Variants in CTNNA2 observed in about 807,000 individuals in gnomAD.
The protein encoded by CTNNA2 is catenin alpha 2, also known as catenin alpha-2.
Under a neutral mutation model 101.0 loss-of-function variants are expected in CTNNA2, and 42 were observed. The observed-to-expected ratio is 0.42, with a 90% CI of 0.32 to 0.54. The LOEUF (loss-of-function observed/expected upper bound fraction) is 0.54. Ranked by LOEUF, CTNNA2 falls within the 20% of genes least tolerant of loss-of-function variation. The pLI, the probability that CTNNA2 is intolerant of heterozygous loss-of-function variation, is 0.14. For missense variants in CTNNA2, 871 were observed against 1,223.1 expected (o/e 0.71, Z 4.29); for synonymous variants, 450 against 456.4 (o/e 0.99, Z 0.18).
chr2:80,385,716 CTG>C (rs1306811408), intron 7 of CTNNA2, among the ~76,000 whole-genome samples: 2 of 152,108 alleles, frequency 1.3e-5, no homozygotes, highest in Non-Finnish European at 2.9e-5. Flanking sequence ...TCCTGTCTCT[CTG>C]TCTTTCTCCG....
chr2:80,589,711 A>T (rs1461639768), intron 15 of CTNNA2, among the ~76,000 whole-genome samples: 1 of 152,198 alleles, frequency 6.6e-6, no homozygotes, highest in Non-Finnish European at 1.5e-5. Context: ...TATTGTTGTT[A>T]TAATTATCTA....
intron 7 of CTNNA2, among the ~76,000 whole-genome samples, chr2:80,364,454 G>T (rs1667480007): frequency 6.6e-6 from 1 of 151,538 alleles, no homozygotes; most frequent in Non-Finnish European, 1.5e-5. Context: ...TAAACTCTTT[G>T]CCTTATTTTA....
chr2:80,212,647 A>G (rs1707975016), intron 7 of CTNNA2, among the ~76,000 whole-genome samples: 1 of 152,168 alleles, frequency 6.6e-6, no homozygotes, highest in Non-Finnish European at 1.5e-5. Context: ...TTTTTGCATC[A>G]ATGTTCATCA....
In CTNNA2 at chr2:80,302,970, A is replaced by T; in HGVS notation, c.1057-90241A>T. 1.2e-6 allele frequency: 2 copies of T among 1,611,574 alleles called. No individual in the cohort carries two copies. The highest frequency in any genetic ancestry group is 1.7e-6 in the Non-Finnish European group (2 of 1,179,642). On this transcript the variant is annotated intron_variant, in intron 7 of 18. Coordinates refer to ENST00000402739, the MANE Select transcript of CTNNA2 (RefSeq NM_001282597.3). This position sits in a 1 kb window ranked among gnomAD's most constrained non-coding sequence, Gnocchi z 6.4. Reference sequence around the variant, plus strand: ...AGGCGGTTGGAGTCCAGCTGCAGGGACTGCAGGTGCGGCACGGTCTCGAAC... The same window carrying T: ...AGGCGGTTGGAGTCCAGCTGCAGGGTCTGCAGGTGCGGCACGGTCTCGAAC...
At chr2:79,667,137 A>G (rs1327850078) in intron 2 of CTNNA2, among the ~76,000 whole-genome samples, 1 of 152,210 alleles carries the variant, frequency 6.6e-6, no homozygotes, top group Non-Finnish European at 1.5e-5. Flanking sequence ...GTAAAATTTA[A>G]TATCTGAAAT....
At chr2:79,812,184 A>T (rs548910521) in intron 3 of CTNNA2, among the ~76,000 whole-genome samples, 1 of 152,234 alleles carries the variant, frequency 6.6e-6, no homozygotes, top group Non-Finnish European at 1.5e-5. Context: ...GTTATCTTCA[A>T]ATAGTTGCAG....
chr2:79,992,318 G>T (rs1053436870), intron 7 of CTNNA2, among the ~76,000 whole-genome samples: 4 of 152,018 alleles, frequency 2.6e-5, no homozygotes, highest in African/African-American at 9.7e-5. Context: ...GAAAAGAAAT[G>T]ATTATATTTT....
intron 2 of CTNNA2, among the ~76,000 whole-genome samples, chr2:79,290,940 A>G (rs79230554): frequency 2.0e-5 from 3 of 152,198 alleles, no homozygotes; most frequent in Admixed American, 2.0e-4. Flanking sequence ...ACAGACAGCA[A>G]AACTAAAAGA....
chr2:80,158,169 T>A (rs2148939507), intron 7 of CTNNA2, among the ~76,000 whole-genome samples: 1 of 152,256 alleles, frequency 6.6e-6, no homozygotes, highest in Middle Eastern at 3.4e-3. Context: ...ACCAAAGAGA[T>A]CATCAGAGAG....
At chr2:79,396,555 C>T (rs975544869) in intron 4 of CTNNA2, among the ~76,000 whole-genome samples, 2 of 152,086 alleles carry the variant, frequency 1.3e-5, no homozygotes, top group African/African-American at 4.8e-5. Flanking sequence ...AGATTAGGTT[C>T]GACTGTCTTC....
At chr2:80,408,855 C>T (rs1217327930) in intron 8 of CTNNA2, among the ~76,000 whole-genome samples, 1 of 152,142 alleles carries the variant, frequency 6.6e-6, no homozygotes, top group Non-Finnish European at 1.5e-5. Context: ...AACCCGAACA[C>T]CTGACTCTGG....
At chr2:79,671,939 A>G (rs980136249) in intron 2 of CTNNA2, among the ~76,000 whole-genome samples, 3 of 152,254 alleles carry the variant, frequency 2.0e-5, no homozygotes, top group Admixed American at 6.5e-5. Flanking sequence ...CGGAACATAA[A>G]TAAGCATAAG....
At chr2:80,445,151 T>TTTTG (rs767408724) in intron 9 of CTNNA2, among the ~76,000 whole-genome samples, 7 of 152,058 alleles carry the variant, frequency 4.6e-5, no homozygotes, top group Non-Finnish European at 1.0e-4. Flanking sequence ...CTTTGTGTTT[T>TTTTG]TTTGTTTGTT....
At chr2:80,378,430 A>G (rs1045862374) in intron 7 of CTNNA2, among the ~76,000 whole-genome samples, 1 of 146,742 alleles carries the variant, frequency 6.8e-6, no homozygotes, top group Non-Finnish European at 1.5e-5. Flanking sequence ...ATAATGTCAC[A>G]TGAACTTGCA....
At chr2:79,567,042 TA>T in intron 1 of CTNNA2, among the ~76,000 whole-genome samples, 1 of 152,136 alleles carries the variant, frequency 6.6e-6, no homozygotes, top group Non-Finnish European at 1.5e-5. Flanking sequence ...AGAGAAAGCA[TA>T]ACACATTCAA....
intron 7 of CTNNA2, among the ~76,000 whole-genome samples, chr2:80,332,441 G>A (rs1224159350): frequency 1.3e-5 from 2 of 152,166 alleles, no homozygotes; most frequent in Non-Finnish European, 2.9e-5. Flanking sequence ...GGCTGTCCAT[G>A]ATTGTGAAAA....
intron 18 of CTNNA2, among the ~76,000 whole-genome samples, chr2:80,624,309 A>G (rs567911019): frequency 8.5e-5 from 13 of 152,172 alleles, no homozygotes; most frequent in African/African-American, 2.9e-4. Flanking sequence ...CCCATGCAGT[A>G]TATGACCTAT....
rs1701518532 is a variant in CTNNA2 at position 80,116,363 on chromosome 2, G to GC, written c.1056+206570dup. 1.5e-5 allele frequency among the ~76,000 whole-genome samples: 2 copies of GC among 135,580 alleles called. 1 individual carries two copies. The highest frequency in any genetic ancestry group is 5.7e-5 in the African/African-American group (2 of 35,184). 88.9% of individuals were successfully genotyped at this position (135,580 alleles called of 152,430 possible). On this transcript the variant is annotated intron_variant, in intron 7 of 18. Coordinates refer to ENST00000402739, the MANE Select transcript of CTNNA2 (RefSeq NM_001282597.3). ...CTCATTCATAGTTTTTACATTAATA[G>GC]CCCCTAAAAAGCTAAAAAAAAAAAA...
chr2:80,079,807 C>A, intron 7 of CTNNA2, among the ~76,000 whole-genome samples: 1 of 57,738 alleles, frequency 1.7e-5, no homozygotes, highest in Admixed American at 1.5e-4. Context: ...AGGGAGACTC[C>A]GTCTCAAAAA....
Sources: gnomAD v4.1 joint callset for allele counts (sites outside exome capture counted in the v4.1 genomes callset) on GRCh38, gnomAD v4.1.1 for gene constraint, Gnocchi (gnomAD v3.1) non-coding constraint, MANE v1.5 for transcripts, NCBI Gene and HGNC (gene_info 2026-07-23, HGNC 2026-07-21) for gene names.